Variants in LOXL3 observed in about 807,000 individuals in gnomAD.
LOXL3 encodes lysyl oxidase homolog 3.
In LOXL3, 60 loss-of-function variants were observed where a neutral mutation model predicts 91.8. That is an observed-to-expected ratio of 0.65 (90% CI 0.53 to 0.81). The LOEUF is 0.81. LOXL3 is among the 30% of genes least tolerant of loss of function. The probability of loss-of-function intolerance (pLI) is 0.00; values close to 1 mark genes in which losing one functional copy is unlikely to be tolerated. For synonymous variants in LOXL3, 355 were observed against 387.6 expected, an observed-to-expected ratio of 0.92 and a Z score of 0.99; for missense variants, 874 against 1,000.4, an observed-to-expected ratio of 0.87 and a Z score of 1.70.
At chr2:74,534,483 C>T in intron 10 of LOXL3, 48 bp downstream of exon 10, 2 of 1,613,586 alleles carry the variant, frequency 1.2e-6, no homozygotes, top group South Asian at 1.1e-5. Flanking sequence ...GAAGGTTTGC[C>T]CCATCCCCCG....
rs972561636 is a variant in LOXL3, at chr2:74,534,010, G to A, written c.2077-17C>T. 6.2e-7 allele frequency: 1 copy of A among 1,612,888 alleles called. No individual in the cohort carries two copies. Among genetic ancestry groups the A allele is most frequent in the Middle Eastern group, 1.7e-4 (1 of 6,060 alleles). On this transcript the variant is annotated splice_polypyrimidine_tract_variant and intron_variant, in intron 12 of 13. Transcript: ENST00000264094. ...GATGACAACCTGTGAGTGAGAAAAAGGCCACTTAACCCAGCGACAATCCTC... is the reference window on the plus strand; with the variant it reads ...GATGACAACCTGTGAGTGAGAAAAAAGCCACTTAACCCAGCGACAATCCTC...
intron 4 of LOXL3, among the ~76,000 whole-genome samples, chr2:74,541,874 G>A (rs1676342039): frequency 1.3e-5 from 2 of 151,118 alleles, no homozygotes; most frequent in Non-Finnish European, 2.9e-5. Flanking sequence ...TTATATATAA[G>A]TTATGTTAAG....
chr2:74,532,278 T>C lies in LOXL3; in HGVS notation c.*1328A>G. On this transcript the variant is annotated 3_prime_UTR_variant, in exon 14 of 14. Coordinates refer to ENST00000264094, the MANE Select transcript of LOXL3 (RefSeq NM_032603.5). ...CCTGATTTCCTACTCCCATGTTTTT[T>C]ATTTATGCTGTTCTTGTTTTATATG... 1 of 479,550 alleles carries C rather than the reference T, an allele frequency of 2.1e-6. No individual in the cohort carries two copies. The highest frequency in any genetic ancestry group is 3.8e-6 in the Non-Finnish European group (1 of 263,614). 29.7% of individuals were successfully genotyped at this position (479,550 alleles called of 1,614,324 possible). A position where few individuals can be genotyped will look rare whatever the true frequency, so the allele number is the denominator to read the frequency against.
At position 74,536,323 on chromosome 2, in the gene LOXL3, C is replaced by G; in HGVS notation, c.1061G>C (p.Arg354Pro). The change falls in exon 6 of 14, where the codon CGA becomes CCA. Residue 354 changes from arginine (R) to proline (P), a missense_variant. Coordinates refer to ENST00000264094, the MANE Select transcript of LOXL3 (RefSeq NM_032603.5). This position sits in a 1 kb window ranked among gnomAD's most constrained non-coding sequence, Gnocchi z 4.5. ...VCRELGFGSA[R>P]EALSGARMGQ... is the part of the protein sequence containing the mutation. ...CATGCGAGCGCCACTCAGAGCTTCTCGAGCACTCCCGAAGCCCAGCTCCCG... is the reference window on the plus strand; with the variant it reads ...CATGCGAGCGCCACTCAGAGCTTCTGGAGCACTCCCGAAGCCCAGCTCCCG... The G allele has an allele frequency of 1.2e-6, 2 of 1,614,000 alleles. No individual in the cohort carries two copies. The highest frequency in any genetic ancestry group is 1.7e-6 in the Non-Finnish European group (2 of 1,180,004).
At chr2:74,543,087 A>G (rs886914083) in intron 4 of LOXL3, among the ~76,000 whole-genome samples, 1 of 152,136 alleles carries the variant, frequency 6.6e-6, no homozygotes, top group African/African-American at 2.4e-5. Context: ...TAACACTACA[A>G]TATCCTGGTT....
intron 4 of LOXL3, among the ~76,000 whole-genome samples, chr2:74,546,384 T>C (rs993434779): frequency 1.3e-5 from 2 of 152,038 alleles, no homozygotes; most frequent in African/African-American, 4.8e-5. Context: ...ACAAAAGCCA[T>C]CCTCTCCCAG....
intron 4 of LOXL3, among the ~76,000 whole-genome samples, chr2:74,546,803 G>A (rs1294574858): frequency 6.6e-5 from 10 of 152,180 alleles, no homozygotes; most frequent in South Asian, 6.2e-4. Context: ...CGCAACCTCC[G>A]CCTCCCGGGT....
Position 74,535,003 on chromosome 2 carries a change from C to G in LOXL3, c.1580-229G>C, listed in dbSNP as rs1262269585. On this transcript the variant is annotated intron_variant, in intron 9 of 13. Transcript: ENST00000264094. The surrounding 1 kb of genome is among the most constrained non-coding windows in gnomAD (Gnocchi z 4.2). ...AAGTGATTCTCCTGCCTCAGCCTCC[C>G]GAGTAGCTGGGATTATAGGCGCCTG... 6.6e-6 allele frequency among the ~76,000 whole-genome samples: 1 copy of G among 152,112 alleles called. No individual in the cohort carries two copies. The highest frequency in any genetic ancestry group is 1.5e-5 in the Non-Finnish European group (1 of 68,010).
At chr2:74,541,128 T>C (rs1244598869) in intron 4 of LOXL3, among the ~76,000 whole-genome samples, 1 of 152,236 alleles carries the variant, frequency 6.6e-6, no homozygotes, top group Admixed American at 6.5e-5. Flanking sequence ...CATTATTCCC[T>C]AAGCAATAAA....
chr2:74,536,208 G>A lies in LOXL3; in HGVS notation c.1094-58C>T. On this transcript the variant is annotated intron_variant, in intron 6 of 13. Coordinates refer to ENST00000264094, the MANE Select transcript of LOXL3 (RefSeq NM_032603.5). The surrounding 1 kb of genome is among the most constrained non-coding windows in gnomAD (Gnocchi z 4.5). ...AATTAAGCATATATTGTCTGCCCAG[G>A]GGACACCTAACCTTCCGAAGGAATA... The A allele has an allele frequency of 6.2e-7, 1 of 1,611,802 alleles. No individual in the cohort carries two copies.
upstream of LOXL3, chr2:74,554,394 G>T (rs1337926096): frequency 7.6e-6 from 2 of 263,834 alleles, no homozygotes; most frequent in African/African-American, 4.6e-5. The surrounding 1 kb of genome is among the most constrained non-coding windows in gnomAD (Gnocchi z 4.9). Flanking sequence ...TCTCTCCGGT[G>T]CCCGGGGCGC....
chr2:74,536,589 G>A lies in LOXL3; in HGVS notation c.913-118C>T. The A allele has an allele frequency of 3.5e-6, 5 of 1,437,340 alleles. No individual in the cohort carries two copies. The highest frequency in any genetic ancestry group is 4.8e-6 in the Non-Finnish European group (5 of 1,045,866). The allele number at this position is 1,437,340 out of a possible 1,614,324, so 89.0% of individuals were successfully genotyped here. A position where few individuals can be genotyped will look rare whatever the true frequency, so the allele number is the denominator to read the frequency against. On this transcript the variant is annotated intron_variant, in intron 5 of 13. Coordinates refer to ENST00000264094, the MANE Select transcript of LOXL3 (RefSeq NM_032603.5). The surrounding 1 kb of genome is among the most constrained non-coding windows in gnomAD (Gnocchi z 4.5). ...GGGAGTGGGTGGTATCAGGTCTGTG[G>A]CCCACCCCCTGGAAGGCTCCTCTCT...
At chr2:74,544,078 C>T (rs964141910) in intron 4 of LOXL3, among the ~76,000 whole-genome samples, 16 of 151,416 alleles carry the variant, frequency 1.1e-4, no homozygotes, top group African/African-American at 3.2e-4. Context: ...CCGAGGTAGG[C>T]GGATCACCTG....
intron 3 of LOXL3, 95 bp downstream of exon 3, chr2:74,550,090 C>T: frequency 6.7e-7 from 1 of 1,498,048 alleles, no homozygotes; most frequent in Admixed American, 2.3e-5. Context: ...AATGATCCCC[C>T]AGGGGTAACT....
At position 74,534,088 on chromosome 2, in the gene LOXL3, G is replaced by T. The variant is rs1342350900; in HGVS notation, c.2076+12C>A. Reference sequence around the variant, plus strand: ...CCCACTCACCCATCTGGAAGCCCCAGACTCCAGGTACCTGGAGAATGTAGT... The same window carrying T: ...CCCACTCACCCATCTGGAAGCCCCATACTCCAGGTACCTGGAGAATGTAGT... On this transcript the variant is annotated intron_variant, in intron 12 of 13. Transcript: ENST00000264094. The T allele has an allele frequency of 2.5e-6, 4 of 1,613,604 alleles. No individual in the cohort carries two copies. In the African/African-American group the frequency reaches 4.0e-5, roughly 16 times the overall value.
At chr2:74,554,556 C>T (rs1446364182), upstream of LOXL3, 7 of 602,214 alleles carry the variant, frequency 1.2e-5, no homozygotes, top group Admixed American at 1.8e-4. The surrounding 1 kb of genome is among the most constrained non-coding windows in gnomAD (Gnocchi z 4.9). Context: ...GGGTAGGGGC[C>T]TGGGGTGCTG....
chr2:74,555,630 A>G (rs1677393360), upstream of LOXL3: 1 of 1,613,896 alleles, frequency 6.2e-7, no homozygotes, highest in South Asian at 1.1e-5. The surrounding 1 kb of genome is among the most constrained non-coding windows in gnomAD (Gnocchi z 6.1). Flanking sequence ...TCTGCCCTGG[A>G]GATGCTGGAG....
chr2:74,534,288 A>T (rs767073805), intron 11 of LOXL3, 28 bp downstream of exon 11: 1 of 1,614,034 alleles, frequency 6.2e-7, no homozygotes. Context: ...AATGGATACC[A>T]TGTGGTTCAC....
chr2:74,533,913 T>C lies in LOXL3; in HGVS notation c.2157A>G (p.Gly719=). 6.2e-7 allele frequency: 1 copy of C among 1,614,134 alleles called. No individual in the cohort carries two copies. Among genetic ancestry groups the C allele is most frequent in the Non-Finnish European group, 8.5e-7 (1 of 1,179,974 alleles). The change falls in exon 13 of 14, where the codon GGA becomes GGG. Residue 719 remains glycine, a synonymous_variant. Transcript: ENST00000264094. ...GGCAGTTGTGCACCCAGATTCTATG[T>C]CCATCATATTTGCAGTTACATTTCA... ...NAMKCNCKYD[G]HRIWVHNCHI...
Sources: gnomAD v4.1 joint callset for allele counts (sites outside exome capture counted in the v4.1 genomes callset) on GRCh38, gnomAD v4.1.1 for gene constraint, Gnocchi (gnomAD v3.1) non-coding constraint, MANE v1.5 for transcripts, NCBI Gene and HGNC (gene_info 2026-07-23, HGNC 2026-07-21) for gene names.